The following CHST15 variants were observed in gnomAD, a reference collection of about 807,000 sequenced individuals.
The protein encoded by CHST15 is B cell RAG associated protein (GALNAC4S-6ST).
In CHST15, 30 loss-of-function variants were observed where a neutral mutation model predicts 53.6. The ratio of observed to expected loss-of-function variants is 0.56; its 90% CI spans 0.42 to 0.76. CHST15 has a LOEUF of 0.76. CHST15 is among the 30% of genes least tolerant of loss of function. The probability of loss-of-function intolerance (pLI) is 0.00; values close to 1 mark genes in which losing one functional copy is unlikely to be tolerated. For missense variants in CHST15, 627 were observed against 740.5 expected (o/e 0.85, Z 1.78); for synonymous variants, 296 against 289.8 (o/e 1.02, Z -0.22).
chr10:124,057,250 A>G (rs1300498285), intron 1 of CHST15, among the ~76,000 whole-genome samples: 2 of 151,948 alleles, frequency 1.3e-5, no homozygotes, highest in Non-Finnish European at 2.9e-5. Flanking sequence ...CTTAATACAA[A>G]CTCATTATCT....
chr10:124,084,273 T>C lies in CHST15; in HGVS notation c.-513+9196A>G, dbSNP rs1949346580. Reference sequence around the variant, plus strand: ...CACAGCTGAGGGCCCAGGACCCTCCTGGCTGTCTTCTCATCTGCCCTTCAT... The same window carrying C: ...CACAGCTGAGGGCCCAGGACCCTCCCGGCTGTCTTCTCATCTGCCCTTCAT... On this transcript the variant is annotated intron_variant, in intron 1 of 7. Coordinates refer to ENST00000435907, the MANE Select transcript of CHST15 (RefSeq NM_001270764.2). 2.0e-5 allele frequency among the ~76,000 whole-genome samples: 3 copies of C among 152,154 alleles called. No individual in the cohort carries two copies. In the South Asian group the frequency reaches 6.2e-4, roughly 32 times the overall value.
At chr10:124,049,193 A>G (rs1474042070) in intron 1 of CHST15, among the ~76,000 whole-genome samples, 2 of 152,106 alleles carry the variant, frequency 1.3e-5, no homozygotes, top group Non-Finnish European at 2.9e-5. Flanking sequence ...GTAGGGGGAG[A>G]CCAAAAGCCA....
Position 124,019,777 on chromosome 10 carries a change from G to A in CHST15, c.1347+1479C>T. On this transcript the variant is annotated intron_variant, in intron 6 of 7. Transcript: ENST00000435907. This position sits in a 1 kb window ranked among gnomAD's most constrained non-coding sequence, Gnocchi z 4.6. ...TCTGAGGGGTCCCATCTCTCTCAGG[G>A]TGATGTCTAGACTTCTTCTGAGGCT... The A allele has an allele frequency of 1.0e-6, 1 of 985,350 alleles. No individual in the cohort carries two copies. Among genetic ancestry groups the A allele is most frequent in the Non-Finnish European group, 1.2e-6 (1 of 829,850 alleles). 61.0% of individuals were successfully genotyped at this position (985,350 alleles called of 1,614,324 possible).
At chr10:124,014,667 G>A (rs973884845) in intron 6 of CHST15, among the ~76,000 whole-genome samples, 2 of 152,190 alleles carry the variant, frequency 1.3e-5, no homozygotes, top group South Asian at 2.1e-4. Context: ...GCCGTCCCTC[G>A]TAGGGGAGAC....
Position 124,013,381 on chromosome 10 carries a change from C to T in CHST15, c.1348-901G>A, listed in dbSNP as rs149573301. Reference sequence around the variant, plus strand: ...CAAGGCTTGGCCTGGCAATACTCCACGAGGATTGCCACATACCATGGCCAG... The same window carrying T: ...CAAGGCTTGGCCTGGCAATACTCCATGAGGATTGCCACATACCATGGCCAG... On this transcript the variant is annotated intron_variant, in intron 6 of 7. Coordinates refer to ENST00000435907, the MANE Select transcript of CHST15 (RefSeq NM_001270764.2). Among the ~76,000 whole-genome samples, 9 of 152,324 alleles carry T rather than the reference C, an allele frequency of 5.9e-5. No individual in the cohort carries two copies. The East Asian group carries it at 7.7e-4, about 13-fold the overall frequency.
intron 6 of CHST15, among the ~76,000 whole-genome samples, chr10:124,015,399 G>C (rs954138542): frequency 2.5e-5 from 2 of 80,704 alleles, no homozygotes; most frequent in Non-Finnish European, 5.5e-5. Context: ...GGGCAGGGCG[G>C]GGGGGGCTAC....
intron 1 of CHST15, among the ~76,000 whole-genome samples, chr10:124,056,699 C>A (rs1488386827): frequency 6.6e-6 from 1 of 152,272 alleles, no homozygotes; most frequent in African/African-American, 2.4e-5. Context: ...CAGCCCCCAA[C>A]TCCTATTTTG....
chr10:124,069,570 G>A lies in CHST15; in HGVS notation c.-512-22846C>T, dbSNP rs146344403. Among the ~76,000 whole-genome samples, 120 of 152,342 alleles carry A rather than the reference G, an allele frequency of 7.9e-4. 1 individual carries two copies. The East Asian group carries it at 0.022, about 28-fold the overall frequency. ...GAGAACCATGAACAAGCAGTGACAC[G>A]TGCAGGGCCCGTGGCCTGGGGAAGG... is the stretch of plus-strand genomic sequence containing the variant. On this transcript the variant is annotated intron_variant, in intron 1 of 7. Coordinates refer to ENST00000435907, the MANE Select transcript of CHST15 (RefSeq NM_001270764.2).
chr10:124,080,370 G>A (rs1290379605), intron 1 of CHST15, among the ~76,000 whole-genome samples: 3 of 152,166 alleles, frequency 2.0e-5, no homozygotes, highest in South Asian at 2.1e-4. Context: ...AAGAATCAAC[G>A]GAGATGTCAC....
chr10:124,058,390 G>A (rs997731687), intron 1 of CHST15, among the ~76,000 whole-genome samples: 4 of 152,204 alleles, frequency 2.6e-5, no homozygotes, highest in African/African-American at 7.2e-5. Flanking sequence ...ACTCTCTGAG[G>A]TCAGCACTGA....
At chr10:124,013,014 T>C (rs1946463173) in intron 6 of CHST15, among the ~76,000 whole-genome samples, 1 of 152,242 alleles carries the variant, frequency 6.6e-6, no homozygotes, top group Non-Finnish European at 1.5e-5. Context: ...GATGTTTCTA[T>C]TTAAGTCCTT....
chr10:124,087,844 A>G (rs933682693), intron 1 of CHST15, among the ~76,000 whole-genome samples: 2 of 152,184 alleles, frequency 1.3e-5, no homozygotes, highest in African/African-American at 2.4e-5. Flanking sequence ...AATTGCATCA[A>G]ATATGGGCAC....
At chr10:124,047,208 T>TC (rs1277251327) in intron 1 of CHST15, among the ~76,000 whole-genome samples, 1 of 152,232 alleles carries the variant, frequency 6.6e-6, no homozygotes, top group African/African-American at 2.4e-5. Flanking sequence ...ATGTGTTTTT[T>TC]CCCTCTCACT....
intron 1 of CHST15, among the ~76,000 whole-genome samples, chr10:124,093,105 C>T (rs1949655256): frequency 6.6e-6 from 1 of 152,214 alleles, no homozygotes; most frequent in Non-Finnish European, 1.5e-5. Flanking sequence ...GCGCGCAGGG[C>T]GCCCGGAGCG....
intron 1 of CHST15, among the ~76,000 whole-genome samples, chr10:124,075,796 C>T (rs1949057244): frequency 6.6e-6 from 1 of 152,216 alleles, no homozygotes; most frequent in Non-Finnish European, 1.5e-5. Flanking sequence ...AACTCTGAGT[C>T]TGGGCCAGCC....
intron 4 of CHST15, among the ~76,000 whole-genome samples, chr10:124,039,196 T>C (rs1430896119): frequency 6.6e-6 from 1 of 152,198 alleles, no homozygotes; most frequent in Non-Finnish European, 1.5e-5. Flanking sequence ...TAATAATAGA[T>C]GGAGTTCTCT....
At chr10:124,069,722 G>A (rs1223020441) in intron 1 of CHST15, among the ~76,000 whole-genome samples, 1 of 152,212 alleles carries the variant, frequency 6.6e-6, no homozygotes. Flanking sequence ...CCCTGCCATA[G>A]GACACCTGGG....
chr10:124,075,177 G>A (rs1187014662), intron 1 of CHST15, among the ~76,000 whole-genome samples: 1 of 152,182 alleles, frequency 6.6e-6, no homozygotes, highest in East Asian at 1.9e-4. Context: ...GCTTTTGCTT[G>A]AACATGGAGG....
Position 124,058,541 on chromosome 10 carries a change from C to G in CHST15, c.-512-11817G>C, listed in dbSNP as rs551536982. 3.3e-5 allele frequency among the ~76,000 whole-genome samples: 5 copies of G among 152,338 alleles called. No homozygotes were observed. In the South Asian group the frequency reaches 1.0e-3, roughly 32 times the overall value. On this transcript the variant is annotated intron_variant, in intron 1 of 7. Transcript: ENST00000435907. ...AAAGCCTGTGACCTTTCTCCTGCAGCAGGCGAACGAAGCTGTTATTGGCAG... is the reference window on the plus strand; with the variant it reads ...AAAGCCTGTGACCTTTCTCCTGCAGGAGGCGAACGAAGCTGTTATTGGCAG...
Sources: allele counts gnomAD v4.1 joint callset (sites outside exome capture counted in the v4.1 genomes callset), GRCh38; gene constraint gnomAD v4.1.1; non-coding constraint Gnocchi (gnomAD v3.1); transcripts MANE v1.5; gene names NCBI Gene and HGNC (gene_info 2026-07-23, HGNC 2026-07-21).